FBXO4: variants seen among roughly 807,000 people sequenced by gnomAD.
FBXO4 encodes F-box only protein 4.
Under a neutral mutation model 43.7 loss-of-function variants are expected in FBXO4, and 36 were observed. The observed-to-expected ratio is 0.82, with a 90% CI of 0.63 to 1.09. FBXO4 has a LOEUF of 1.09. Among genes scored for constraint, FBXO4 ranks in the 50% least tolerant of loss-of-function variants. The pLI, the probability that FBXO4 is intolerant of heterozygous loss-of-function variation, is 0.00. For missense variants in FBXO4, 435 were observed against 474.1 expected, an observed-to-expected ratio of 0.92 and a Z score of 0.77; for synonymous variants, 180 against 165.6, an observed-to-expected ratio of 1.09 and a Z score of -0.67.
chr5:41,990,096 C>T, the FBXO4 span, among the ~76,000 whole-genome samples: 12 of 152,118 alleles, frequency 7.9e-5, no homozygotes, highest in African/African-American at 2.9e-4. Flanking sequence ...TTCATAATTT[C>T]AATATATTAC....
chr5:41,928,897 A>G (rs989488887), intron 2 of FBXO4, among the ~76,000 whole-genome samples: 7 of 152,182 alleles, frequency 4.6e-5, no homozygotes, highest in African/African-American at 1.7e-4. Flanking sequence ...ATTTTTGATA[A>G]AATGCATAAT....
the FBXO4 span, among the ~76,000 whole-genome samples, chr5:42,035,312 A>C: frequency 2.0e-5 from 3 of 151,980 alleles, no homozygotes; most frequent in African/African-American, 7.2e-5. Flanking sequence ...AATACGCTTT[A>C]TTTCTTTCTC....
chr5:42,022,218 C>A, the FBXO4 span, among the ~76,000 whole-genome samples: 4 of 152,082 alleles, frequency 2.6e-5, no homozygotes, highest in Non-Finnish European at 5.9e-5. Context: ...CACAAACCCA[C>A]TGGAATTTCT....
chr5:42,034,122 A>G, the FBXO4 span, among the ~76,000 whole-genome samples: 2,444 of 150,626 alleles, frequency 0.016, 121 homozygotes, highest in East Asian at 0.1. Context: ...CAGTGATGTT[A>G]AGCTTTTTTT....
At chr5:42,009,863 A>G in the FBXO4 span, among the ~76,000 whole-genome samples, 2 of 152,232 alleles carry the variant, frequency 1.3e-5, no homozygotes, top group Non-Finnish European at 2.9e-5. Context: ...ACCACCATGT[A>G]TGTATCTCCA....
At chr5:42,001,193 C>A in the FBXO4 span, among the ~76,000 whole-genome samples, 1 of 151,994 alleles carries the variant, frequency 6.6e-6, no homozygotes, top group Non-Finnish European at 1.5e-5. Flanking sequence ...AATATAAATT[C>A]TTCAAATCCA....
At chr5:42,028,554 C>T in the FBXO4 span, among the ~76,000 whole-genome samples, 1 of 151,780 alleles carries the variant, frequency 6.6e-6, no homozygotes, top group East Asian at 1.9e-4. Context: ...AGGACTTCCT[C>T]CTGCCATTTT....
chr5:41,926,716 G>A (rs1751515750), intron 1 of FBXO4, among the ~76,000 whole-genome samples: 1 of 152,190 alleles, frequency 6.6e-6, no homozygotes, highest in Non-Finnish European at 1.5e-5. Flanking sequence ...TATCTCTGAG[G>A]AAAAATTAAA....
At chr5:42,018,629 T>G in the FBXO4 span, among the ~76,000 whole-genome samples, 1 of 152,174 alleles carries the variant, frequency 6.6e-6, no homozygotes, top group Admixed American at 6.6e-5. Context: ...TATTTCATAT[T>G]TTTACATGCT....
At chr5:41,930,683 T>C (rs531784709) in intron 3 of FBXO4, among the ~76,000 whole-genome samples, 1 of 151,664 alleles carries the variant, frequency 6.6e-6, no homozygotes, top group East Asian at 1.9e-4. Flanking sequence ...TTTTTTTTTT[T>C]TTGAGATGGA....
the FBXO4 span, among the ~76,000 whole-genome samples, chr5:41,947,553 A>G: frequency 6.6e-6 from 1 of 152,222 alleles, no homozygotes; most frequent in Admixed American, 6.5e-5. Flanking sequence ...TCACAAGAGG[A>G]GCCCAGAGGA....
chr5:41,955,947 C>A, the FBXO4 span, among the ~76,000 whole-genome samples: 2 of 152,066 alleles, frequency 1.3e-5, no homozygotes, highest in African/African-American at 4.8e-5. Flanking sequence ...CCTAGTGACA[C>A]CTACAAGGAA....
At position 41,941,456 on chromosome 5, in the gene FBXO4, T is replaced by TA. The variant is rs1273751708; in HGVS notation, c.*176dup. ...TTTTTACTCTTTACCATAAATCAAT[T>TA]ACAAGAAAAGAGTTTCAGTCCTAGT... On this transcript the variant is annotated 3_prime_UTR_variant, in exon 7 of 7. Coordinates refer to ENST00000281623, the MANE Select transcript of FBXO4 (RefSeq NM_012176.3). 2.4e-6 allele frequency: 1 copy of TA among 414,816 alleles called. No individual in the cohort carries two copies. Among genetic ancestry groups the TA allele is most frequent in the Non-Finnish European group, 4.4e-6 (1 of 228,998 alleles). 25.7% of individuals were successfully genotyped at this position (414,816 alleles called of 1,614,324 possible).
At chr5:41,944,481 A>G (rs1255376294), downstream of FBXO4, among the ~76,000 whole-genome samples, 1 of 152,212 alleles carries the variant, frequency 6.6e-6, no homozygotes, top group Non-Finnish European at 1.5e-5. Context: ...TTAGTGACAC[A>G]GGAAAACTTA....
downstream of FBXO4, among the ~76,000 whole-genome samples, chr5:41,944,763 G>T (rs970714731): frequency 1.3e-5 from 2 of 152,190 alleles, no homozygotes; most frequent in African/African-American, 4.8e-5. Context: ...AGCACAAATT[G>T]CTTCTTCAGC....
At chr5:41,997,737 C>A in the FBXO4 span, among the ~76,000 whole-genome samples, 1 of 152,122 alleles carries the variant, frequency 6.6e-6, no homozygotes, top group Admixed American at 6.5e-5. Flanking sequence ...TCCAGTACTC[C>A]CCAAAATGTT....
the FBXO4 span, chr5:41,963,819 C>T: frequency 6.6e-6 from 1 of 152,068 alleles, no homozygotes; most frequent in Non-Finnish European, 1.5e-5. Flanking sequence ...GCAGTTTAAA[C>T]CTACATGGTT....
At chr5:41,999,468 T>TAC in the FBXO4 span, among the ~76,000 whole-genome samples, 1 of 27,484 alleles carries the variant, frequency 3.6e-5, no homozygotes, top group African/African-American at 1.0e-4. Context: ...TGTGTGTGTA[T>TAC]ATATATATAC....
At chr5:41,932,085 C>T (rs1462877025) in intron 3 of FBXO4, among the ~76,000 whole-genome samples, 1 of 152,142 alleles carries the variant, frequency 6.6e-6, no homozygotes, top group Admixed American at 6.5e-5. Flanking sequence ...AAAGGAACAC[C>T]TCAAGAAGAG....
Sources: gnomAD v4.1 joint callset for allele counts (sites outside exome capture counted in the v4.1 genomes callset) on GRCh38, gnomAD v4.1.1 for gene constraint, MANE v1.5 for transcripts, NCBI Gene and HGNC (gene_info 2026-07-23, HGNC 2026-07-21) for gene names.